Variants in LRRTM3 observed in about 807,000 individuals in gnomAD.
LRRTM3 encodes leucine rich repeat transmembrane neuronal 3.
In LRRTM3, 24 loss-of-function variants were observed where a neutral mutation model predicts 44.7. That is an observed-to-expected ratio of 0.54 (90% CI 0.39 to 0.76). The LOEUF (loss-of-function observed/expected upper bound fraction) is 0.76, where lower values mean the gene tolerates loss of function less well. Among genes scored for constraint, LRRTM3 ranks in the 30% least tolerant of loss-of-function variants. LRRTM3 has a pLI of 0.00. For synonymous variants in LRRTM3, 277 were observed against 278.7 expected (o/e 0.99, Z 0.06); for missense variants, 587 against 702.2 (o/e 0.84, Z 1.85).
At chr10:67,008,580 G>A (rs971325631) in intron 2 of LRRTM3, among the ~76,000 whole-genome samples, 1 of 152,108 alleles carries the variant, frequency 6.6e-6, no homozygotes, top group African/African-American at 2.4e-5. Context: ...GGGCTGGCCT[G>A]GCTCATCTCT....
At chr10:66,999,698 T>C (rs1170199180) in intron 2 of LRRTM3, among the ~76,000 whole-genome samples, 1 of 152,204 alleles carries the variant, frequency 6.6e-6, no homozygotes, top group Non-Finnish European at 1.5e-5. Flanking sequence ...TAGAAATGAA[T>C]AATGTACATT....
chr10:67,093,642 G>A (rs1857796128), intron 2 of LRRTM3, among the ~76,000 whole-genome samples: 1 of 151,566 alleles, frequency 6.6e-6, no homozygotes, highest in Non-Finnish European at 1.5e-5. Flanking sequence ...TTGGTGCAAG[G>A]ACATACCCTC....
chr10:67,027,344 T>C (rs764401681), intron 2 of LRRTM3, among the ~76,000 whole-genome samples: 3 of 152,150 alleles, frequency 2.0e-5, no homozygotes, highest in Non-Finnish European at 2.9e-5. Context: ...TCTTCTAAAA[T>C]TGGTATTCCT....
At chr10:66,968,882 T>C (rs982137062) in intron 2 of LRRTM3, among the ~76,000 whole-genome samples, 1 of 151,904 alleles carries the variant, frequency 6.6e-6, no homozygotes, top group Admixed American at 6.6e-5. Flanking sequence ...CTGGGTGTGG[T>C]GGCATGTGCC....
intron 2 of LRRTM3, among the ~76,000 whole-genome samples, chr10:66,952,395 T>C (rs549241433): frequency 6.6e-6 from 1 of 152,150 alleles, no homozygotes; most frequent in Non-Finnish European, 1.5e-5. Context: ...ACAAAAGACA[T>C]AAGCAACGCA....
chr10:66,967,295 T>C (rs551190532), intron 2 of LRRTM3, among the ~76,000 whole-genome samples: 4 of 151,812 alleles, frequency 2.6e-5, no homozygotes, highest in East Asian at 1.9e-4. Context: ...TGGATAGATA[T>C]AGATATAGGT....
chr10:66,980,810 G>A (rs1201973068), intron 2 of LRRTM3, among the ~76,000 whole-genome samples: 1 of 152,152 alleles, frequency 6.6e-6, no homozygotes, highest in African/African-American at 2.4e-5. Context: ...CTTGAATTTT[G>A]TAATGGTCTG....
chr10:66,984,823 A>G (rs967956107), intron 2 of LRRTM3, among the ~76,000 whole-genome samples: 2 of 152,294 alleles, frequency 1.3e-5, no homozygotes, highest in Admixed American at 1.3e-4. Flanking sequence ...TCACAAATAA[A>G]CAGAATTAGG....
At chr10:67,080,639 G>A (rs1175689957) in intron 2 of LRRTM3, among the ~76,000 whole-genome samples, 1 of 152,120 alleles carries the variant, frequency 6.6e-6, no homozygotes, top group African/African-American at 2.4e-5. Context: ...GCCGGGCATG[G>A]TGGCTCACGC....
intron 2 of LRRTM3, among the ~76,000 whole-genome samples, chr10:66,935,586 C>T (rs559597596): frequency 2.6e-5 from 4 of 151,770 alleles, no homozygotes; most frequent in South Asian, 4.2e-4. Context: ...ATATTACATA[C>T]GTATTTGTAT....
chr10:67,026,338 G>A (rs1853389677), intron 2 of LRRTM3, among the ~76,000 whole-genome samples: 1 of 151,520 alleles, frequency 6.6e-6, no homozygotes, highest in Non-Finnish European at 1.5e-5. Flanking sequence ...TTAAGAAGAT[G>A]AATTAATATT....
chr10:66,942,105 T>C (rs1237788930), intron 2 of LRRTM3, among the ~76,000 whole-genome samples: 1 of 152,114 alleles, frequency 6.6e-6, no homozygotes, highest in Non-Finnish European at 1.5e-5. Flanking sequence ...CAGCACAATT[T>C]TGAGGATAAA....
intron 2 of LRRTM3, among the ~76,000 whole-genome samples, chr10:66,967,829 C>T (rs147345928): frequency 2.0e-5 from 3 of 151,892 alleles, no homozygotes; most frequent in Non-Finnish European, 4.4e-5. Context: ...TATATCCCCT[C>T]GAAAGGTTCA....
intron 2 of LRRTM3, among the ~76,000 whole-genome samples, chr10:67,062,641 T>C (rs1855826709): frequency 6.6e-6 from 1 of 152,124 alleles, no homozygotes; most frequent in African/African-American, 2.4e-5. Context: ...ACATTCTTCT[T>C]TGCAAATGTT....
At chr10:67,065,678 A>G (rs1178369573) in intron 2 of LRRTM3, among the ~76,000 whole-genome samples, 3 of 152,078 alleles carry the variant, frequency 2.0e-5, no homozygotes, top group Non-Finnish European at 4.4e-5. Context: ...TTCCCCAAGC[A>G]TGAGCCACGG....
intron 2 of LRRTM3, among the ~76,000 whole-genome samples, chr10:67,069,629 A>G (rs1303096888): frequency 6.8e-6 from 1 of 146,056 alleles, no homozygotes; most frequent in Admixed American, 7.0e-5. Flanking sequence ...AAATACATAG[A>G]TTAGTTCTGT....
chr10:67,014,719 T>C (rs1213699817), intron 2 of LRRTM3, among the ~76,000 whole-genome samples: 1 of 151,986 alleles, frequency 6.6e-6, no homozygotes, highest in African/African-American at 2.4e-5. Context: ...CTTCAAGTAA[T>C]AAAGAGAAGT....
At chr10:67,089,717 ATGTGTGTGTGTG>A (rs71006125) in intron 2 of LRRTM3, among the ~76,000 whole-genome samples, 6 of 144,742 alleles carry the variant, frequency 4.1e-5, no homozygotes, top group East Asian at 2.1e-4. Flanking sequence ...GTATATACAT[ATGTGTGTGTGTG>A]TGTGTGTGTG....
intron 2 of LRRTM3, among the ~76,000 whole-genome samples, chr10:66,953,118 G>A (rs922328720): frequency 6.6e-6 from 1 of 152,096 alleles, no homozygotes; most frequent in African/African-American, 2.4e-5. Context: ...ATTCAGGTCT[G>A]ACCTCGGTTA....
Sources: allele counts gnomAD v4.1 joint callset (sites outside exome capture counted in the v4.1 genomes callset), GRCh38; gene constraint gnomAD v4.1.1; transcripts MANE v1.5; gene names NCBI Gene and HGNC (gene_info 2026-07-23, HGNC 2026-07-21).